The following SLCO4A1 variants were observed in gnomAD, a reference collection of about 807,000 sequenced individuals.
SLCO4A1 encodes solute carrier organic anion transporter family member 4A1, also known as colon organic anion transporter.
SLCO4A1 carries 51 observed loss-of-function variants against 64.6 expected under a neutral mutation model. That is an observed-to-expected ratio of 0.79 (90% CI 0.63 to 1.00). SLCO4A1 has a LOEUF of 1.00. SLCO4A1 is among the 50% of genes least tolerant of loss of function. The pLI, the probability that SLCO4A1 is intolerant of heterozygous loss-of-function variation, is 0.00. For synonymous variants in SLCO4A1, 471 were observed against 444.9 expected (o/e 1.06, Z -0.74); for missense variants, 919 against 980.5 (o/e 0.94, Z 0.84).
rs1281507064 is a variant in SLCO4A1, at chr20:62,666,929, G to A, written c.1472+354G>A. ...GGTGACATAAAAAGTGTCCCAGGAT[G>A]TGCTCCTGGAGTTGCCATGTGCTGG... On this transcript the variant is annotated intron_variant, in intron 7 of 11. Transcript: ENST00000217159. Among the ~76,000 whole-genome samples the A allele has an allele frequency of 7.2e-5, 11 of 152,314 alleles. No homozygotes were observed. In the East Asian group the frequency reaches 1.9e-3, roughly 27 times the overall value.
chr20:62,662,441 A>G (rs1039056888), intron 5 of SLCO4A1, among the ~76,000 whole-genome samples: 2 of 152,162 alleles, frequency 1.3e-5, no homozygotes, highest in African/African-American at 4.8e-5. Context: ...GTGTGGACCT[A>G]GGAACCCTGG....
intron 3 of SLCO4A1, among the ~76,000 whole-genome samples, chr20:62,659,296 CAT>C (rs1263679715): frequency 3.3e-5 from 5 of 151,820 alleles, no homozygotes; most frequent in African/African-American, 1.2e-4. Flanking sequence ...GCAGAGGAGA[CAT>C]GTCCTTGCTG....
At chr20:62,663,853 G>A (rs1342930620) in intron 5 of SLCO4A1, among the ~76,000 whole-genome samples, 1 of 152,214 alleles carries the variant, frequency 6.6e-6, no homozygotes, top group Non-Finnish European at 1.5e-5. Context: ...CTCGATCACT[G>A]CACTGGCTGG....
chr20:62,679,826 G>C (rs533901574), intron 2 of SLCO4A1, among the ~76,000 whole-genome samples: 14 of 152,352 alleles, frequency 9.2e-5, no homozygotes, highest in African/African-American at 3.1e-4. Flanking sequence ...TCTAAGGAGG[G>C]AGTCAAGGAT....
intron 11 of SLCO4A1, among the ~76,000 whole-genome samples, chr20:62,671,177 C>T (rs188937150): frequency 1.1e-4 from 17 of 152,322 alleles, no homozygotes; most frequent in Non-Finnish European, 1.5e-4. Context: ...TGGTGACCGG[C>T]GACTGGCTCT....
chr20:62,642,551 A>G lies in SLCO4A1; in HGVS notation c.-99A>G, dbSNP rs1157803228. 12 of 198,198 alleles carry G rather than the reference A, an allele frequency of 6.1e-5. No homozygotes were observed. The highest frequency in any genetic ancestry group is 1.1e-4 in the Non-Finnish European group (11 of 96,300). 12.3% of individuals were successfully genotyped at this position (198,198 alleles called of 1,614,324 possible). On this transcript the variant is annotated splice_region_variant and 5_prime_UTR_variant, in exon 1 of 12. Coordinates refer to ENST00000217159, the MANE Select transcript of SLCO4A1 (RefSeq NM_016354.4). Reference sequence around the variant, plus strand: ...CGGCGGCCGGGCCCTCGAGACGGGGACGGTGAGTGCGCGGGGAGCGGGGAG... The same window carrying G: ...CGGCGGCCGGGCCCTCGAGACGGGGGCGGTGAGTGCGCGGGGAGCGGGGAG...
In SLCO4A1 at chr20:62,656,395, C is replaced by T. The variant is rs1601630068; in HGVS notation, c.-60C>T. ...CCCTCGGATACCACTTGGCCACTCCCGCTGAGGCCACTCCCACTGCGTGGC... is the reference window on the plus strand; with the variant it reads ...CCCTCGGATACCACTTGGCCACTCCTGCTGAGGCCACTCCCACTGCGTGGC... On this transcript the variant is annotated 5_prime_UTR_variant, in exon 2 of 12. Transcript: ENST00000217159. The T allele has an allele frequency of 7.1e-6, 10 of 1,409,530 alleles. No individual in the cohort carries two copies. Among genetic ancestry groups the T allele is most frequent in the South Asian group, 2.9e-5 (2 of 68,510 alleles). The allele number at this position is 1,409,530 out of a possible 1,614,324, so 87.3% of individuals were successfully genotyped here. A position where few individuals can be genotyped will look rare whatever the true frequency, so the allele number is the denominator to read the frequency against.
chr20:62,643,129 G>A lies in SLCO4A1; in HGVS notation c.-97+576G>A. 9 of 429,936 alleles carry A rather than the reference G, an allele frequency of 2.1e-5. 1 individual carries two copies. The highest frequency in any genetic ancestry group is 1.3e-4 in the South Asian group (8 of 61,942). The allele number at this position is 429,936 out of a possible 1,614,324, so 26.6% of individuals were successfully genotyped here. A position where few individuals can be genotyped will look rare whatever the true frequency, so the allele number is the denominator to read the frequency against. ...CTCGAGACATCTCCGGGAGGGGAGC[G>A]CGGGCGGAGCGCACAGGGCTAGTTT... On this transcript the variant is annotated intron_variant, in intron 1 of 11. Coordinates refer to ENST00000217159, the MANE Select transcript of SLCO4A1 (RefSeq NM_016354.4).
downstream of SLCO4A1, among the ~76,000 whole-genome samples, chr20:62,674,012 A>G (rs1473506062): frequency 6.6e-6 from 1 of 152,182 alleles, no homozygotes; most frequent in Non-Finnish European, 1.5e-5. Context: ...AGGCTCGTCT[A>G]TGGCAGTGGC....
chr20:62,645,331 G>A lies in SLCO4A1; in HGVS notation c.-97+2778G>A, dbSNP rs942693691. 6.6e-5 allele frequency among the ~76,000 whole-genome samples: 10 copies of A among 152,064 alleles called. No individual in the cohort carries two copies. The highest frequency in any genetic ancestry group is 1.0e-4 in the Non-Finnish European group (7 of 67,978). ...GCTGCTGGGACAACAGACTCTGGGC[G>A]TGTCCTCCTGTGGGCCTCTGCAGAG... On this transcript the variant is annotated intron_variant, in intron 1 of 11. Transcript: ENST00000217159. This position sits in a 1 kb window ranked among gnomAD's most constrained non-coding sequence, Gnocchi z 4.2.
downstream of SLCO4A1, among the ~76,000 whole-genome samples, chr20:62,689,492 G>A (rs556964167): frequency 6.6e-6 from 1 of 152,346 alleles, no homozygotes; most frequent in African/African-American, 2.4e-5. Context: ...CTCCTCAGGT[G>A]CTGGCCCATG....
chr20:62,666,302 T>C (rs1601665205), intron 6 of SLCO4A1, 78 bp from the exon 7 acceptor site: 6 of 1,323,156 alleles, frequency 4.5e-6, no homozygotes, highest in Non-Finnish European at 5.3e-6. Flanking sequence ...ACCTGTAAAG[T>C]GGACCCGGCT....
chr20:62,687,243 C>T (rs1988097912), downstream of SLCO4A1, among the ~76,000 whole-genome samples: 1 of 145,524 alleles, frequency 6.9e-6, no homozygotes, highest in African/African-American at 2.7e-5. Context: ...CAAGTGGCAG[C>T]AGCTTCCTAA....
Position 62,665,066 on chromosome 20 carries a change from C to G in SLCO4A1, c.1254C>G (p.Ala418=). The G allele has an allele frequency of 6.2e-7, 1 of 1,610,690 alleles. No homozygotes were observed. The highest frequency in any genetic ancestry group is 8.5e-7 in the Non-Finnish European group (1 of 1,178,884). ...TGGAGTCCCAGTTCAGCCTGAGTGCCTCAGAAGCTGCCACCTTGTTTGGTG... is the reference window on the plus strand; with the variant it reads ...TGGAGTCCCAGTTCAGCCTGAGTGCGTCAGAAGCTGCCACCTTGTTTGGTG... ...KFLESQFSLS[A]SEAATLFGYL... is the part of the protein sequence containing the mutation. Residue 418 remains alanine (A), a synonymous_variant, in exon 6 of 12, where the codon GCC becomes GCG. Coordinates refer to ENST00000217159, the MANE Select transcript of SLCO4A1 (RefSeq NM_016354.4).
intron 6 of SLCO4A1, 98 bp from the exon 7 acceptor site, chr20:62,666,282 C>A: frequency 9.7e-7 from 1 of 1,032,122 alleles, no homozygotes; most frequent in Non-Finnish European, 1.5e-6. Flanking sequence ...CTCTATGCCT[C>A]AGTTTCCCCA....
chr20:62,676,546 G>T (rs141297707), downstream of SLCO4A1, among the ~76,000 whole-genome samples: 1 of 152,350 alleles, frequency 6.6e-6, no homozygotes, highest in East Asian at 1.9e-4. Context: ...CCCAGGAGAA[G>T]ATGCTCAAGA....
downstream of SLCO4A1, among the ~76,000 whole-genome samples, chr20:62,673,557 CG>C (rs1216700670): frequency 3.9e-3 from 568 of 143,922 alleles, 40 homozygotes; most frequent in African/African-American, 0.012. Context: ...TTAGAGACCA[CG>C]ACACTGCCCA....
downstream of SLCO4A1, among the ~76,000 whole-genome samples, chr20:62,674,280 A>G (rs1987483141): frequency 6.6e-6 from 1 of 152,160 alleles, no homozygotes; most frequent in South Asian, 2.1e-4. Context: ...GGCACTGAGC[A>G]TCCGTGTGGA....
chr20:62,647,028 C>T (rs938709747), intron 1 of SLCO4A1, among the ~76,000 whole-genome samples: 2 of 152,374 alleles, frequency 1.3e-5, no homozygotes, highest in Admixed American at 6.5e-5. Context: ...CCTTCATTGT[C>T]GGCCCCATAC....
Sources: gnomAD v4.1 joint callset for allele counts (sites outside exome capture counted in the v4.1 genomes callset) on GRCh38, gnomAD v4.1.1 for gene constraint, Gnocchi (gnomAD v3.1) non-coding constraint, MANE v1.5 for transcripts, NCBI Gene and HGNC (gene_info 2026-07-23, HGNC 2026-07-21) for gene names.